Variants in RFNG observed in about 807,000 individuals in gnomAD.
RFNG encodes RFNG O-fucosylpeptide 3-beta-N-acetylglucosaminyltransferase.
Under a neutral mutation model 29.6 loss-of-function variants are expected in RFNG, and 37 were observed. That is an observed-to-expected ratio of 1.25 (90% confidence interval 0.96 to 1.65). RFNG has a LOEUF of 1.65. Ranked by LOEUF, RFNG falls within the 40% of genes most tolerant of loss-of-function variation. The probability of loss-of-function intolerance (pLI) is 0.00; values close to 1 mark genes in which losing one functional copy is unlikely to be tolerated. For synonymous variants in RFNG, 276 were observed against 197.3 expected (o/e 1.40, Z -3.34); for missense variants, 546 against 457.0 (o/e 1.19, Z -1.78).
rs554307013 is a variant in RFNG at position 82,051,279 on chromosome 17, G to C, written c.316+15C>G. On this transcript the variant is annotated intron_variant, in intron 2 of 7. Coordinates refer to ENST00000310496, the MANE Select transcript of RFNG (RefSeq NM_002917.2). The surrounding 1 kb of genome is among the most constrained non-coding windows in gnomAD (Gnocchi z 4.1). ...GGGCAGATCCCGCGGGCGCCGGGGA[G>C]TGGGGGACACTCACCGCCCTGGAGC... The C allele has an allele frequency of 1.5e-6, 2 of 1,370,138 alleles. No individual in the cohort carries two copies. The highest frequency in any genetic ancestry group is 1.9e-6 in the Non-Finnish European group (2 of 1,059,636). The allele number at this position is 1,370,138 out of a possible 1,614,324, so 84.9% of individuals were successfully genotyped here.
rs137964839 is a variant in RFNG, at chr17:82,051,017, C to G, written c.317-253G>C. ...CGGAGGCAGCTCGCCCTGACCTGGC[C>G]TGGAAGGGCGGATTCCCTGCTGGCG... On this transcript the variant is annotated intron_variant, in intron 2 of 7. Transcript: ENST00000310496. This position sits in a 1 kb window ranked among gnomAD's most constrained non-coding sequence, Gnocchi z 4.1. The G allele has an allele frequency of 6.9e-4, 967 of 1,402,864 alleles. 5 individuals carry two copies. In the African/African-American group the frequency reaches 0.013, roughly 18 times the overall value. The allele number at this position is 1,402,864 out of a possible 1,614,324, so 86.9% of individuals were successfully genotyped here.
chr17:82,051,551 C>A lies in RFNG; in HGVS notation c.216G>T (p.Gly72=). The part of the protein sequence containing the change: ...IAVKTTRKNH[G]PRLRLLLRTW... ...TGCGCAGCAGCAGCCGCAGGCGCGG[C>A]CCGTGGTTCTTCCGGGTGGTCTTGA... The change falls in exon 1 of 8, where the codon GGG becomes GGT. Residue 72 remains glycine (G), a synonymous_variant. Coordinates refer to ENST00000310496, the MANE Select transcript of RFNG (RefSeq NM_002917.2). This position sits in a 1 kb window ranked among gnomAD's most constrained non-coding sequence, Gnocchi z 4.1. 1.4e-6 allele frequency: 2 copies of A among 1,398,168 alleles called. No homozygotes were observed. Among genetic ancestry groups the A allele is most frequent in the South Asian group, 1.5e-5 (1 of 66,180 alleles). 86.6% of individuals were successfully genotyped at this position (1,398,168 alleles called of 1,614,324 possible).
At chr17:82,048,985 G>C (rs774884692) in intron 7 of RFNG, 46 bp downstream of exon 7, 34 of 1,575,694 alleles carry the variant, frequency 2.2e-5, no homozygotes, top group Middle Eastern at 2.0e-4. Context: ...GCTGATGCCA[G>C]AGCCCCTGCG....
chr17:82,050,357 G>A (rs2030299710), intron 4 of RFNG, 45 bp downstream of exon 4: 19 of 1,525,292 alleles, frequency 1.2e-5, no homozygotes, highest in Admixed American at 2.2e-5. Flanking sequence ...CCGGGCTGGT[G>A]TCAAGGAAGG....
chr17:82,050,817 GT>G, intron 2 of RFNG, 53 bp from the exon 3 acceptor site: 1 of 1,569,714 alleles, frequency 6.4e-7, no homozygotes, highest in Admixed American at 1.7e-5. Flanking sequence ...TGGGGTTGGG[GT>G]AAGGCCTGTG....
chr17:82,048,499 C>G lies in RFNG; in HGVS notation c.*227G>C. On this transcript the variant is annotated 3_prime_UTR_variant, in exon 8 of 8. Transcript: ENST00000310496. ...GGCTGGGTCGGGGGGAGGGGCACTG[C>G]GGCCCTGGCCATCAGCCTGGCTGTC... 1.8e-6 allele frequency: 1 copy of G among 566,094 alleles called. No individual in the cohort carries two copies. The allele number at this position is 566,094 out of a possible 1,614,324, so 35.1% of individuals were successfully genotyped here.
chr17:82,048,989 C>T (rs765983830), intron 7 of RFNG, 42 bp downstream of exon 7: 8 of 1,584,720 alleles, frequency 5.0e-6, no homozygotes, highest in African/African-American at 3.1e-5. Context: ...ATGCCAGAGC[C>T]CCTGCGGGGC....
At chr17:82,049,223 C>CG in intron 6 of RFNG, 107 bp from the exon 7 acceptor site, 2 of 897,858 alleles carry the variant, frequency 2.2e-6, no homozygotes, top group Non-Finnish European at 3.6e-6. Context: ...CCCCTCTCCC[C>CG]AGGCCCTCGG....
chr17:82,050,620 C>T, intron 3 of RFNG, 42 bp downstream of exon 3: 2 of 1,609,180 alleles, frequency 1.2e-6, no homozygotes, highest in Non-Finnish European at 1.7e-6. Context: ...CCCCACCCAG[C>T]TTGGCTCTGA....
chr17:82,048,844 G>A (rs771186696), intron 7 of RFNG, 37 bp from the exon 8 acceptor site: 25 of 1,567,038 alleles, frequency 1.6e-5, no homozygotes, highest in East Asian at 9.0e-5. Flanking sequence ...GGCCGTGGGC[G>A]GAGAGAGAAG....
At chr17:82,049,866 T>A in intron 5 of RFNG, 24 bp from the exon 6 acceptor site, 1 of 1,611,454 alleles carries the variant, frequency 6.2e-7, no homozygotes, top group Non-Finnish European at 8.5e-7. Flanking sequence ...GGTCAGCACC[T>A]TTCAGGTCTC....
In RFNG at chr17:82,048,821, A is replaced by AAGT; in HGVS notation, c.915-17_915-15dup. ...ATAGACTTAAACCTGGGGAAGGAAG[A>AAGT]AGTAGGGGTCAGGGCCGTGGGCGGA... On this transcript the variant is annotated splice_polypyrimidine_tract_variant and intron_variant, in intron 7 of 7. Coordinates refer to ENST00000310496, the MANE Select transcript of RFNG (RefSeq NM_002917.2). The AAGT allele has an allele frequency of 6.2e-7, 1 of 1,608,198 alleles. No homozygotes were observed. Among genetic ancestry groups the AAGT allele is most frequent in the Non-Finnish European group, 8.5e-7 (1 of 1,175,392 alleles).
Position 82,048,978 on chromosome 17 carries a change from G to C in RFNG, c.914+53C>G, listed in dbSNP as rs550914623. Reference sequence around the variant, plus strand: ...GTCAGGGCCGTGGGTAGAGGGAGCTGATGCCAGAGCCCCTGCGGGGCCGAG... The same window carrying C: ...GTCAGGGCCGTGGGTAGAGGGAGCTCATGCCAGAGCCCCTGCGGGGCCGAG... On this transcript the variant is annotated intron_variant, in intron 7 of 7. Transcript: ENST00000310496. 45 of 1,578,810 alleles carry C rather than the reference G, an allele frequency of 2.9e-5. No homozygotes were observed. In the African/African-American group the frequency reaches 5.7e-4, roughly 20 times the overall value.
chr17:82,051,251 G>A lies in RFNG; in HGVS notation c.316+43C>T, dbSNP rs780894557. On this transcript the variant is annotated intron_variant, in intron 2 of 7. Transcript: ENST00000310496. The surrounding 1 kb of genome is among the most constrained non-coding windows in gnomAD (Gnocchi z 4.1). ...CGTGGCTTCGGAGCGAGAAAGGCTC[G>A]GGGGGCAGATCCCGCGGGCGCCGGG... 4 of 1,339,992 alleles carry A rather than the reference G, an allele frequency of 3.0e-6. No homozygotes were observed. Among genetic ancestry groups the A allele is most frequent in the Admixed American group, 3.7e-5 (1 of 27,172 alleles). 83.0% of individuals were successfully genotyped at this position (1,339,992 alleles called of 1,614,324 possible).
intron 6 of RFNG, 27 bp from the exon 7 acceptor site, chr17:82,049,143 G>C: frequency 6.3e-7 from 1 of 1,582,552 alleles, no homozygotes; most frequent in Non-Finnish European, 8.7e-7. Context: ...TGGGCAGAGT[G>C]TGTGGCCTGG....
Position 82,050,798 on chromosome 17 carries a change from G to A in RFNG, c.317-34C>T, listed in dbSNP as rs371994088. 1.7e-5 allele frequency: 27 copies of A among 1,601,852 alleles called. No homozygotes were observed. In the African/African-American group the frequency reaches 3.2e-4, roughly 19 times the overall value. Reference sequence around the variant, plus strand: ...CAGAGACGGGAAGCACGCACGTAGAGGATGGCACTGGGGTTGGGGTAAGGC... The same window carrying A: ...CAGAGACGGGAAGCACGCACGTAGAAGATGGCACTGGGGTTGGGGTAAGGC... On this transcript the variant is annotated intron_variant, in intron 2 of 7. Coordinates refer to ENST00000310496, the MANE Select transcript of RFNG (RefSeq NM_002917.2).
intron 2 of RFNG, 52 bp from the exon 3 acceptor site, chr17:82,050,816 G>C (rs753320528): frequency 1.9e-6 from 3 of 1,573,068 alleles, no homozygotes; most frequent in South Asian, 2.2e-5. Context: ...CTGGGGTTGG[G>C]GTAAGGCCTG....
chr17:82,051,086 G>A lies in RFNG; in HGVS notation c.316+208C>T, dbSNP rs772420236. 5.1e-6 allele frequency: 7 copies of A among 1,370,454 alleles called. No homozygotes were observed. In the East Asian group the frequency reaches 1.7e-4, roughly 33 times the overall value. The allele number at this position is 1,370,454 out of a possible 1,614,324, so 84.9% of individuals were successfully genotyped here. ...CACTAGCCCCACGCCCCGGGAAGCGGCTAGTGTGAGAGGCTGGTGGGGAGC... is the reference window on the plus strand; with the variant it reads ...CACTAGCCCCACGCCCCGGGAAGCGACTAGTGTGAGAGGCTGGTGGGGAGC... On this transcript the variant is annotated intron_variant, in intron 2 of 7. Coordinates refer to ENST00000310496, the MANE Select transcript of RFNG (RefSeq NM_002917.2). This position sits in a 1 kb window ranked among gnomAD's most constrained non-coding sequence, Gnocchi z 4.1.
chr17:82,049,562 A>G (rs779400402), intron 6 of RFNG, 115 bp downstream of exon 6: 5 of 1,274,384 alleles, frequency 3.9e-6, no homozygotes, highest in Middle Eastern at 1.8e-4. Flanking sequence ...CCCCAGCCAC[A>G]TGCAAATCCC....
Sources: allele counts gnomAD v4.1 joint callset, GRCh38; gene constraint gnomAD v4.1.1; non-coding constraint Gnocchi (gnomAD v3.1); transcripts MANE v1.5; gene names NCBI Gene and HGNC (gene_info 2026-07-23, HGNC 2026-07-21).